The following SGCG variants were observed in gnomAD, a reference collection of about 807,000 sequenced individuals.
SGCG encodes gamma-sarcoglycan.
In SGCG, 26 loss-of-function variants were observed where a neutral mutation model predicts 29.3. The ratio of observed to expected loss-of-function variants is 0.89; its 90% CI spans 0.65 to 1.23. The LOEUF is 1.23. Among genes scored for constraint, SGCG ranks in the 50% most tolerant of loss-of-function variants. The pLI is 0.00. For missense variants in SGCG, 353 were observed against 356.0 expected (o/e 0.99, Z 0.07); for synonymous variants, 145 against 129.7 (o/e 1.12, Z -0.80).
intron 5 of SGCG, among the ~76,000 whole-genome samples, chr13:23,279,980 G>C (rs1881247785): frequency 6.6e-6 from 1 of 151,916 alleles, no homozygotes; most frequent in Non-Finnish European, 1.5e-5. Context: ...CACCCACCTT[G>C]GCCTCCCAAA....
upstream of SGCG, among the ~76,000 whole-genome samples, chr13:23,180,459 T>G (rs1330907828): frequency 2.0e-5 from 3 of 152,336 alleles, no homozygotes; most frequent in East Asian, 5.8e-4. Context: ...GTTAAAAGTT[T>G]TTCACTTAAA....
chr13:23,213,293 G>C (rs1220610657), intron 2 of SGCG, among the ~76,000 whole-genome samples: 6 of 152,112 alleles, frequency 3.9e-5, no homozygotes, highest in Non-Finnish European at 7.3e-5. Flanking sequence ...GGCCTACATG[G>C]CAAAACCCCA....
At chr13:23,162,350 C>T in the SGCG span, among the ~76,000 whole-genome samples, 4 of 152,284 alleles carry the variant, frequency 2.6e-5, no homozygotes, top group African/African-American at 9.6e-5. Flanking sequence ...CGCGGTGGCT[C>T]ACGCCTGTAA....
rs71100165 is a variant in SGCG at position 23,276,431 on chromosome 13, C to CTTTTTTTTTTTTTTTTTTT, written c.386-2927_386-2909dup. ...CATGAACGCTTTCTTTTTTAGTTTT[C>CTTTTTTTTTTTTTTTTTTT]TTTTTTTTTTTTTTTTTTTGAGACA... On this transcript the variant is annotated intron_variant, in intron 4 of 7. Coordinates refer to ENST00000218867, the MANE Select transcript of SGCG (RefSeq NM_000231.3). 5.6e-4 allele frequency among the ~76,000 whole-genome samples: 57 copies of CTTTTTTTTTTTTTTTTTTT among 102,382 alleles called. 1 individual carries two copies. Among genetic ancestry groups the CTTTTTTTTTTTTTTTTTTT allele is most frequent in the Non-Finnish European group, 8.2e-4 (44 of 53,450 alleles). The allele number at this position is 102,382 out of a possible 152,430, so 67.2% of individuals were successfully genotyped here. A position where few individuals can be genotyped will look rare whatever the true frequency, so the allele number is the denominator to read the frequency against.
At chr13:23,202,913 G>A (rs962096606) in intron 1 of SGCG, among the ~76,000 whole-genome samples, 1 of 151,968 alleles carries the variant, frequency 6.6e-6, no homozygotes, top group Non-Finnish European at 1.5e-5. Flanking sequence ...AAGTACTTCT[G>A]TTATTTGTAT....
chr13:23,270,634 T>A lies in SGCG; in HGVS notation c.386-8725T>A, dbSNP rs565495427. Among the ~76,000 whole-genome samples, 13 of 152,316 alleles carry A rather than the reference T, an allele frequency of 8.5e-5. No individual in the cohort carries two copies. In the South Asian group the frequency reaches 2.7e-3, roughly 32 times the overall value. On this transcript the variant is annotated intron_variant, in intron 4 of 7. Transcript: ENST00000218867. ...TTTCTATCCAATTTTTAAGTTGTCG[T>A]CTAACTTAATCAGGTATTTTAAATC...
intron 6 of SGCG, among the ~76,000 whole-genome samples, chr13:23,318,181 C>CCTACTAGTTATGTCCTACTATAA (rs200925127): frequency 6.6e-6 from 1 of 151,806 alleles, no homozygotes; most frequent in African/African-American, 2.4e-5. Flanking sequence ...AACTCCCCTT[C>CCTACTAGTTATGTCCTACTATAA]CTACTAGTTA....
chr13:23,234,527 C>T, intron 2 of SGCG, 84 bp from the exon 3 acceptor site: 1 of 920,564 alleles, frequency 1.1e-6, no homozygotes, highest in Non-Finnish European at 1.8e-6. Flanking sequence ...TATGGAAATA[C>T]ATGTGTGATT....
At chr13:23,252,220 A>G (rs1264127237) in intron 4 of SGCG, among the ~76,000 whole-genome samples, 2 of 152,142 alleles carry the variant, frequency 1.3e-5, no homozygotes, top group East Asian at 3.9e-4. Context: ...AAAATCTTCA[A>G]CTGCCTATAG....
chr13:23,183,699 C>T (rs987897045), intron 1 of SGCG, among the ~76,000 whole-genome samples: 7 of 152,136 alleles, frequency 4.6e-5, no homozygotes, highest in South Asian at 2.1e-4. Context: ...GACAGAGTCT[C>T]GCTCTATCGC....
At chr13:23,214,993 C>G (rs1210260808) in intron 2 of SGCG, among the ~76,000 whole-genome samples, 1 of 152,114 alleles carries the variant, frequency 6.6e-6, no homozygotes, top group Non-Finnish European at 1.5e-5. Context: ...TTATCGGTGT[C>G]TAAAGATACA....
At chr13:23,226,416 G>A (rs1187700656) in intron 2 of SGCG, among the ~76,000 whole-genome samples, 1 of 149,434 alleles carries the variant, frequency 6.7e-6, no homozygotes, top group Non-Finnish European at 1.5e-5. Context: ...TATAATATCT[G>A]TAGGCTGAGA....
At chr13:23,297,084 G>A (rs1279257040) in intron 6 of SGCG, among the ~76,000 whole-genome samples, 1 of 152,048 alleles carries the variant, frequency 6.6e-6, no homozygotes, top group African/African-American at 2.4e-5. Flanking sequence ...GCTGACCATG[G>A]CCAAACTAAC....
At chr13:23,277,940 C>T (rs12875570) in intron 4 of SGCG, among the ~76,000 whole-genome samples, 12,896 of 151,524 alleles carry the variant, frequency 0.085, 714 homozygotes, top group South Asian at 0.14. Context: ...CCTCATGATC[C>T]GCCTGCCTCG....
At chr13:23,270,591 G>A (rs1880835657) in intron 4 of SGCG, among the ~76,000 whole-genome samples, 1 of 152,126 alleles carries the variant, frequency 6.6e-6, no homozygotes, top group South Asian at 2.1e-4. Context: ...TCTGCCCAGG[G>A]TATATGTTGC....
intron 3 of SGCG, among the ~76,000 whole-genome samples, chr13:23,247,831 A>AT (rs1439379928): frequency 1.3e-5 from 2 of 150,362 alleles, no homozygotes; most frequent in Non-Finnish European, 3.0e-5. Context: ...CACACCTGTA[A>AT]TTCCAGCTAC....
chr13:23,191,907 C>T (rs114029977), intron 1 of SGCG, among the ~76,000 whole-genome samples: 1,538 of 152,206 alleles, frequency 0.01, 83 homozygotes, highest in Admixed American at 0.085. Flanking sequence ...AAGTGTCGGC[C>T]GGGCGCGGTG....
At chr13:23,208,445 A>G (rs75222581) in intron 2 of SGCG, among the ~76,000 whole-genome samples, 5,474 of 152,216 alleles carry the variant, frequency 0.036, 208 homozygotes, top group East Asian at 0.2. Context: ...ACATCACAAG[A>G]TGAACGCATA....
At chr13:23,210,623 G>A (rs1049944859) in intron 2 of SGCG, among the ~76,000 whole-genome samples, 14 of 152,052 alleles carry the variant, frequency 9.2e-5, no homozygotes, top group Non-Finnish European at 2.1e-4. Flanking sequence ...CCCGGGAGGC[G>A]GAGCTTGCAG....
Sources: allele counts gnomAD v4.1 joint callset (sites outside exome capture counted in the v4.1 genomes callset), GRCh38; gene constraint gnomAD v4.1.1; transcripts MANE v1.5; gene names NCBI Gene and HGNC (gene_info 2026-07-23, HGNC 2026-07-21).